NEBL: variants seen among roughly 807,000 people sequenced by gnomAD.
The protein encoded by NEBL is LIM and SH3 protein 2.
A neutral mutation model predicts 140.2 loss-of-function variants in NEBL; 122 were observed. The observed-to-expected ratio is 0.87, with a 90% CI of 0.75 to 1.01. The LOEUF is 1.01. NEBL is among the 50% of genes least tolerant of loss of function. The probability of loss-of-function intolerance (pLI) is 0.00; values close to 1 mark genes in which losing one functional copy is unlikely to be tolerated. For synonymous variants in NEBL, 436 were observed against 398.9 expected (o/e 1.09, Z -1.11); for missense variants, 1,365 against 1,231.3 (o/e 1.11, Z -1.62).
chr10:21,236,572 C>G (rs1303959196), intron 3 of NEBL, among the ~76,000 whole-genome samples: 1 of 152,118 alleles, frequency 6.6e-6, no homozygotes, highest in Non-Finnish European at 1.5e-5. Context: ...TGGTCTCGAA[C>G]TCCTGACCTC....
In NEBL at chr10:21,083,181, T is replaced by C. The variant is rs151325882; in HGVS notation, c.165-62980A>G. Among the ~76,000 whole-genome samples, 3 of 152,328 alleles carry C rather than the reference T, an allele frequency of 2.0e-5. No individual in the cohort carries two copies. The East Asian group carries it at 5.8e-4, about 29-fold the overall frequency. ...TGGTATAAAAGCCTTAAAGATTCTT[T>C]AGAGAATAGAAACACAAATAAGTTA... On this transcript the variant is annotated intron_variant, in intron 2 of 6. Coordinates refer to the NEBL transcript ENST00000417816.
At chr10:20,933,649 A>C (rs1377332929) in intron 4 of NEBL, among the ~76,000 whole-genome samples, 1 of 152,160 alleles carries the variant, frequency 6.6e-6, no homozygotes, top group Non-Finnish European at 1.5e-5. Context: ...CAGAAGAATC[A>C]CTTGAACCTG....
At chr10:20,987,889 C>A (rs1318666871) in intron 3 of NEBL, among the ~76,000 whole-genome samples, 1 of 152,186 alleles carries the variant, frequency 6.6e-6, no homozygotes, top group Non-Finnish European at 1.5e-5. Context: ...ACTGGAATTG[C>A]CCACCAGTCT....
chr10:21,092,600 A>C (rs1005431164), intron 2 of NEBL, among the ~76,000 whole-genome samples: 3 of 141,092 alleles, frequency 2.1e-5, no homozygotes, highest in Non-Finnish European at 3.0e-5. Context: ...TAATAATAAT[A>C]ATAATAATAA....
intron 4 of NEBL, among the ~76,000 whole-genome samples, chr10:20,930,121 G>A (rs754752973): frequency 4.6e-5 from 7 of 151,782 alleles, no homozygotes; most frequent in Admixed American, 1.3e-4. Context: ...ACAGCTTAAC[G>A]GCCACCTCCA....
chr10:21,222,280 C>T (rs974248681), intron 3 of NEBL, among the ~76,000 whole-genome samples: 9 of 146,542 alleles, frequency 6.1e-5, no homozygotes, highest in African/African-American at 2.3e-4. Context: ...GACCCTGTCT[C>T]TACCAAAAAA....
chr10:20,823,265 G>T lies in NEBL; in HGVS notation c.1905C>A (p.Ala635=), dbSNP rs1409014971. ...KYKEEIKHAT[A]ISDPPELKRV... is the part of the protein sequence containing the mutation. Reference sequence around the variant, plus strand: ...TCTTTAGTTCTGGAGGATCAGAAATGGCTGTTGCATGTTTAATCTCTTCTT... The same window carrying T: ...TCTTTAGTTCTGGAGGATCAGAAATTGCTGTTGCATGTTTAATCTCTTCTT... The change falls in exon 19 of 28, where the codon GCC becomes GCA. Residue 635 remains alanine, a synonymous_variant. Coordinates refer to ENST00000377122, the MANE Select transcript of NEBL (RefSeq NM_006393.3). 1 of 1,609,358 alleles carries T rather than the reference G, an allele frequency of 6.2e-7. No individual in the cohort carries two copies. Among genetic ancestry groups the T allele is most frequent in the South Asian group, 1.1e-5 (1 of 90,838 alleles).
At chr10:21,029,636 C>G (rs1833694383) in intron 2 of NEBL, 1 of 1,390,532 alleles carries the variant, frequency 7.2e-7, no homozygotes, top group Middle Eastern at 2.5e-4. Context: ...GACTACCCGC[C>G]TAGAAGGGGT....
chr10:20,940,085 T>C lies in NEBL; in HGVS notation c.357+21587A>G, dbSNP rs7896023. Among the ~76,000 whole-genome samples, 1,201 of 151,866 alleles carry C rather than the reference T, an allele frequency of 7.9e-3. 13 individuals are homozygous for C. Among genetic ancestry groups the C allele is most frequent in the African/African-American group, 0.027 (1,123 of 41,352 alleles). On this transcript the variant is annotated intron_variant, in intron 4 of 6. Coordinates refer to the NEBL transcript ENST00000417816. ...GAACTCAGCTCTGCACCAAGCGGAC[T>C]TAATAGACATCTACAGAACTCTCCA...
At chr10:21,246,360 T>TA (rs1263970190) in intron 3 of NEBL, among the ~76,000 whole-genome samples, 5 of 152,236 alleles carry the variant, frequency 3.3e-5, no homozygotes, top group Non-Finnish European at 7.3e-5. Context: ...CACTGCTGGG[T>TA]ATTAACCTTA....
intron 2 of NEBL, chr10:21,125,736 T>C: frequency 1.0e-6 from 1 of 981,226 alleles, no homozygotes; most frequent in Non-Finnish European, 1.6e-6. Flanking sequence ...TCACATGTGC[T>C]CCACAGGGCA....
chr10:21,172,427 G>A, exon 2 of NEBL: 1 of 1,612,238 alleles, frequency 6.2e-7, no homozygotes, highest in South Asian at 1.1e-5. Flanking sequence ...AGTTGTTCAT[G>A]TTGAGTGCCA....
chr10:20,842,939 A>G (rs1336259704), intron 12 of NEBL, among the ~76,000 whole-genome samples: 1 of 152,004 alleles, frequency 6.6e-6, no homozygotes, highest in Non-Finnish European at 1.5e-5. Flanking sequence ...TTTAGATTCC[A>G]CATAAAAGTG....
At chr10:21,251,698 C>A (rs1260373209) in intron 2 of NEBL, among the ~76,000 whole-genome samples, 1 of 152,084 alleles carries the variant, frequency 6.6e-6, no homozygotes, top group African/African-American at 2.4e-5. Context: ...GGGATTAACA[C>A]CCCTATAAAA....
At chr10:21,244,776 G>A (rs1842494968) in intron 3 of NEBL, among the ~76,000 whole-genome samples, 1 of 151,330 alleles carries the variant, frequency 6.6e-6, no homozygotes, top group East Asian at 2.0e-4. Context: ...CGAGCAGGCT[G>A]AGGGCAGGAG....
intron 2 of NEBL, among the ~76,000 whole-genome samples, chr10:21,056,060 A>G (rs1003933873): frequency 3.3e-5 from 5 of 152,206 alleles, no homozygotes; most frequent in African/African-American, 1.2e-4. Context: ...AGTGAAATAG[A>G]AAGAGCAACT....
At chr10:21,204,375 C>G (rs866556719) in intron 3 of NEBL, among the ~76,000 whole-genome samples, 20 of 152,270 alleles carry the variant, frequency 1.3e-4, no homozygotes, top group African/African-American at 4.8e-4. Flanking sequence ...GGGTGAGTCC[C>G]TGATCCGATA....
intron 1 of NEBL, among the ~76,000 whole-genome samples, chr10:21,281,705 G>T (rs1375645277): frequency 6.6e-6 from 1 of 151,862 alleles, no homozygotes; most frequent in Non-Finnish European, 1.5e-5. Flanking sequence ...TTACTTTGGG[G>T]GTTCTGTCTG....
intron 2 of NEBL, among the ~76,000 whole-genome samples, chr10:21,041,725 G>A (rs1564490315): frequency 1.3e-5 from 2 of 152,188 alleles, no homozygotes; most frequent in African/African-American, 2.4e-5. Flanking sequence ...CAGCGGCATG[G>A]GCTGCTCGAC....
Sources: allele counts gnomAD v4.1 joint callset (sites outside exome capture counted in the v4.1 genomes callset), GRCh38; gene constraint gnomAD v4.1.1; transcripts MANE v1.5; gene names NCBI Gene and HGNC (gene_info 2026-07-23, HGNC 2026-07-21).